PFN1: variants seen among roughly 807,000 people sequenced by gnomAD.
The protein encoded by PFN1 is profilin-1.
Under a neutral mutation model 11.7 loss-of-function variants are expected in PFN1, and 2 were observed. The ratio of observed to expected loss-of-function variants is 0.17; its 90% CI spans 0.07 to 0.54. The LOEUF is 0.54. Among genes scored for constraint, PFN1 ranks in the 20% least tolerant of loss-of-function variants. The pLI is 0.94. For missense variants in PFN1, 97 were observed against 188.4 expected (o/e 0.51, Z 2.84); for synonymous variants, 78 against 76.2 (o/e 1.02, Z -0.12).
chr17:4,948,352 C>T lies in PFN1; in HGVS notation c.43G>A (p.Gly15Arg), dbSNP rs775379304. Residue 15 changes from glycine to arginine, a missense_variant, in exon 1 of 3, where the codon GGG becomes AGG. Gly to Arg is a moderately radical substitution (Grantham distance 125, BLOSUM62 -2). Transcript: ENST00000225655. ...NAYIDNLMAD[G>R]TCQDAAIVGY... ...ACGATGGCCGCGTCCTGACAGGTCC[C>T]GTCCGCCATGAGGTTGTCGATGTAG... 27 of 1,610,746 alleles carry T rather than the reference C, an allele frequency of 1.7e-5. No homozygotes were observed. The highest frequency in any genetic ancestry group is 2.0e-5 in the Non-Finnish European group (23 of 1,179,140).
chr17:4,947,059 CAT>C (rs1971413620), intron 1 of PFN1: 1 of 425,230 alleles, frequency 2.4e-6, no homozygotes, highest in South Asian at 4.4e-5. Flanking sequence ...GAAGGGATGA[CAT>C]ACTCCTCTAG....
At chr17:4,946,127 CCA>C in intron 2 of PFN1, 130 bp from the exon 3 acceptor site, 2 of 649,478 alleles carry the variant, frequency 3.1e-6, no homozygotes, top group Non-Finnish European at 2.8e-6. Flanking sequence ...CGCCCCCCCA[CCA>C]CACACAGGCA....
intron 1 of PFN1, 131 bp from the exon 2 acceptor site, chr17:4,946,951 C>T: frequency 6.3e-6 from 4 of 632,486 alleles, no homozygotes; most frequent in Non-Finnish European, 1.1e-5. Flanking sequence ...ATTATATACT[C>T]AGTACACATC....
rs1374111479 is a variant in PFN1, at chr17:4,946,799, C to G, written c.154G>C (p.Val52Leu). 7 of 1,612,936 alleles carry G rather than the reference C, an allele frequency of 4.3e-6. No individual in the cohort carries two copies. Among genetic ancestry groups the G allele is most frequent in the Non-Finnish European group, 5.1e-6 (6 of 1,179,480 alleles). ...NITPAEVGVL[V>L]GKDRSSFYVN... ...TAAAAACTTGACCGGTCTTTGCCAA[C>G]CAGGACACCCACCTCAGCTGGCTGG... Residue 52 changes from valine to leucine, a missense_variant, in exon 2 of 3, where the codon GTT becomes CTT. Coordinates refer to ENST00000225655, the MANE Select transcript of PFN1 (RefSeq NM_005022.4).
intron 1 of PFN1, 112 bp downstream of exon 1, chr17:4,948,151 A>C: frequency 7.8e-7 from 1 of 1,275,126 alleles, no homozygotes; most frequent in Non-Finnish European, 1.0e-6. Context: ...CAGGGCAAGC[A>C]CCCAGTCAGG....
At chr17:4,947,895 G>A (rs896050321) in intron 1 of PFN1, among the ~76,000 whole-genome samples, 1 of 152,164 alleles carries the variant, frequency 6.6e-6, no homozygotes, top group South Asian at 2.1e-4. Flanking sequence ...GGGGGTCCAA[G>A]GATCCCCGGG....
rs573280992 is a variant in PFN1 at position 4,948,141 on chromosome 17, C to T, written c.132+122G>A. ...GTGCAGCCGCCATTCGCGCCGCTTC[C>T]AGGGCAAGCACCCAGTCAGGGCCTC... On this transcript the variant is annotated intron_variant, in intron 1 of 2. Transcript: ENST00000225655. The T allele has an allele frequency of 6.4e-5, 77 of 1,204,280 alleles. No homozygotes were observed. The African/African-American group carries it at 1.1e-3, about 18-fold the overall frequency. The allele number at this position is 1,204,280 out of a possible 1,614,324, so 74.6% of individuals were successfully genotyped here.
intron 1 of PFN1, 147 bp downstream of exon 1, chr17:4,948,116 G>C: frequency 3.3e-6 from 3 of 916,964 alleles, no homozygotes; most frequent in Non-Finnish European, 4.6e-6. Context: ...ACCCACTCAC[G>C]TGCAGCCGCC....
intron 2 of PFN1, among the ~76,000 whole-genome samples, chr17:4,946,227 G>A (rs1042647574): frequency 5.3e-5 from 8 of 152,040 alleles, no homozygotes; most frequent in African/African-American, 9.7e-5. Context: ...AAAACTTAGG[G>A]GTCAAAGGCT....
intron 1 of PFN1, 152 bp from the exon 2 acceptor site, chr17:4,946,972 G>T: frequency 1.9e-6 from 1 of 538,946 alleles, no homozygotes; most frequent in Non-Finnish European, 3.2e-6. Context: ...AATGAACTGT[G>T]AGAAACTCTG....
chr17:4,947,028 T>C, intron 1 of PFN1: 1 of 469,212 alleles, frequency 2.1e-6, no homozygotes, highest in South Asian at 3.8e-5. Context: ...ATTCTGAAAC[T>C]TAGAATATGG....
chr17:4,946,850 T>TA, intron 1 of PFN1, 30 bp from the exon 2 acceptor site: 1 of 1,587,894 alleles, frequency 6.3e-7, no homozygotes, highest in South Asian at 1.1e-5. Context: ...CCCATCAAGT[T>TA]AGTCAGTGCA....
rs1396330494 is a variant in PFN1, at chr17:4,948,063, G to A, written c.132+200C>T. ...CGGAAAGCGGGGTAGCGGGCGGGAT[G>A]GGCGCCGCCGCCTGGGGCATAGGAC... is the stretch of plus-strand genomic sequence containing the variant. On this transcript the variant is annotated intron_variant, in intron 1 of 2. Transcript: ENST00000225655. 7 of 510,566 alleles carry A rather than the reference G, an allele frequency of 1.4e-5. No individual in the cohort carries two copies. The Admixed American group carries it at 1.7e-4, about 13-fold the overall frequency. 31.6% of individuals were successfully genotyped at this position (510,566 alleles called of 1,614,324 possible).
intron 2 of PFN1, 82 bp from the exon 3 acceptor site, chr17:4,946,079 G>C: frequency 9.6e-7 from 1 of 1,040,664 alleles, no homozygotes; most frequent in Non-Finnish European, 1.5e-6. Flanking sequence ...CAGCTGTCCA[G>C]CCCTGGGGGC....
chr17:4,946,585 A>C, intron 2 of PFN1, 43 bp downstream of exon 2: 6 of 1,494,918 alleles, frequency 4.0e-6, no homozygotes, highest in Non-Finnish European at 5.5e-6. Context: ...GCGGTACATT[A>C]GAGATCTTGG....
intron 2 of PFN1, among the ~76,000 whole-genome samples, chr17:4,946,242 G>C (rs1443208922): frequency 6.6e-6 from 1 of 151,970 alleles, no homozygotes; most frequent in African/African-American, 2.4e-5. Context: ...AAGGCTCATA[G>C]ACTGTTGATT....
chr17:4,946,612 A>T lies in PFN1; in HGVS notation c.325+16T>A. ...AGATCTTGGAGCTAAAGGAAGGGTA[A>T]GACTCAGGAACTCACTCTTGTCAGT... On this transcript the variant is annotated intron_variant, in intron 2 of 2. Transcript: ENST00000225655. 1 of 1,590,364 alleles carries T rather than the reference A, an allele frequency of 6.3e-7. No individual in the cohort carries two copies. Among genetic ancestry groups the T allele is most frequent in the Non-Finnish European group, 8.6e-7 (1 of 1,166,694 alleles).
Position 4,948,389 on chromosome 17 carries a change from G to A in PFN1, c.6C>T (p.Ala2=). 6.2e-7 allele frequency: 1 copy of A among 1,604,976 alleles called. No homozygotes were observed. The highest frequency in any genetic ancestry group is 8.5e-7 in the Non-Finnish European group (1 of 1,177,526). M[A]GWNAYIDNLM... is the part of the protein sequence containing the mutation. ...GGTTGTCGATGTAGGCGTTCCACCC[G>A]GCCATGGCGCTGCTACTGGGGCTGC... is the stretch of plus-strand genomic sequence containing the variant. The change falls in exon 1 of 3, where the codon GCC becomes GCT. Residue 2 remains alanine (A), a synonymous_variant. Transcript: ENST00000225655.
chr17:4,946,522 C>CT (rs1009521568), intron 2 of PFN1, 106 bp downstream of exon 2: 1 of 824,862 alleles, frequency 1.2e-6, no homozygotes, highest in African/African-American at 1.7e-5. Context: ...ACTGGTCTGA[C>CT]TCCCTTCATG....
Sources: allele counts gnomAD v4.1 joint callset (sites outside exome capture counted in the v4.1 genomes callset), GRCh38; gene constraint gnomAD v4.1.1; transcripts MANE v1.5; gene names NCBI Gene and HGNC (gene_info 2026-07-23, HGNC 2026-07-21).